Variants in DNAH11 observed in about 807,000 individuals in gnomAD.
The protein encoded by DNAH11 is axonemal beta dynein heavy chain 11.
Under a neutral mutation model 526.0 loss-of-function variants are expected in DNAH11, and 442 were observed. The observed-to-expected ratio is 0.84, with a 90% CI of 0.78 to 0.91. The LOEUF is 0.91. Among genes scored for constraint, DNAH11 ranks in the 40% least tolerant of loss-of-function variants. DNAH11 has a pLI of 0.00. For synonymous variants in DNAH11, 2,461 were observed against 1,935.9 expected (o/e 1.27, Z -7.12); for missense variants, 6,989 against 5,448.7 (o/e 1.28, Z -8.90).
intron 40 of DNAH11, among the ~76,000 whole-genome samples, chr7:21,708,429 G>A (rs1784349624): frequency 6.6e-6 from 1 of 152,174 alleles, no homozygotes; most frequent in South Asian, 2.1e-4. Flanking sequence ...CACGTTAGTT[G>A]AAGCTGCCAT....
chr7:21,588,825 T>G (rs1158917313), intron 11 of DNAH11, among the ~76,000 whole-genome samples, 189 bp downstream of exon 11: 1 of 152,228 alleles, frequency 6.6e-6, no homozygotes, highest in Non-Finnish European at 1.5e-5. Context: ...TCTTAGAATT[T>G]CATATGCTTA....
chr7:21,748,466 GCA>G (rs1786253744), intron 51 of DNAH11, 112 bp from the exon 52 acceptor site: 3 of 1,189,114 alleles, frequency 2.5e-6, no homozygotes, highest in Non-Finnish European at 3.2e-6. Context: ...TCCGGCCTGG[GCA>G]ACAGAGCAAG....
chr7:21,814,099 CACAATGGTAAGTAT>C (rs1434087490), intron 63 of DNAH11, among the ~76,000 whole-genome samples: 1 of 152,064 alleles, frequency 6.6e-6, no homozygotes, highest in Non-Finnish European at 1.5e-5. Context: ...GCAATTGTAG[CACAATGGTAAGTAT>C]TTGTGCATCT....
At chr7:21,588,399 C>G (rs1284989312) in intron 10 of DNAH11, 113 bp from the exon 11 acceptor site, 4 of 1,385,840 alleles carry the variant, frequency 2.9e-6, no homozygotes, top group Non-Finnish European at 4.0e-6. Flanking sequence ...TGATTAAACA[C>G]ATATGTTTTA....
intron 65 of DNAH11, among the ~76,000 whole-genome samples, chr7:21,840,372 G>T (rs1782159748): frequency 6.6e-6 from 1 of 151,914 alleles, no homozygotes; most frequent in Non-Finnish European, 1.5e-5. Flanking sequence ...TAAAATAATT[G>T]GGCTCTGGCT....
intron 66 of DNAH11, among the ~76,000 whole-genome samples, chr7:21,843,304 A>G (rs920181176): frequency 1.1e-4 from 16 of 152,204 alleles, no homozygotes; most frequent in African/African-American, 3.6e-4. Flanking sequence ...TAGACAAAAG[A>G]TTAACAAAAT....
intron 54 of DNAH11, among the ~76,000 whole-genome samples, chr7:21,757,692 A>G (rs1334739792): frequency 6.6e-6 from 1 of 152,170 alleles, no homozygotes; most frequent in Non-Finnish European, 1.5e-5. Flanking sequence ...AAGTCTGGCG[A>G]CAGACAAGGT....
At chr7:21,836,036 T>G (rs1781983981) in intron 65 of DNAH11, among the ~76,000 whole-genome samples, 1 of 151,740 alleles carries the variant, frequency 6.6e-6, no homozygotes, top group Non-Finnish European at 1.5e-5. Context: ...CCTAAGAAAT[T>G]TAACCAAGGA....
In DNAH11 at chr7:21,599,820, C is replaced by T; in HGVS notation, c.2701C>T (p.Leu901=). ...NRKLFKANPS[L]DTWKIYVEFI... ...GAAGCTCTTCAAAGCCAATCCCTCT[C>T]TGGATACCTGGAAAATTTATGTAGA... Residue 901 remains leucine, a synonymous_variant, in exon 15 of 82, where the codon CTG becomes TTG. Transcript: ENST00000409508. 6.3e-7 allele frequency: 1 copy of T among 1,591,594 alleles called. No homozygotes were observed. The highest frequency in any genetic ancestry group is 8.6e-7 in the Non-Finnish European group (1 of 1,165,850).
intron 65 of DNAH11, among the ~76,000 whole-genome samples, chr7:21,832,148 T>G (rs1391275068): frequency 1.3e-5 from 2 of 152,174 alleles, no homozygotes; most frequent in African/African-American, 2.4e-5. Context: ...ACCTCATGCT[T>G]CTTTTAATTG....
intron 30 of DNAH11, among the ~76,000 whole-genome samples, chr7:21,664,874 C>G (rs748898555): frequency 6.6e-6 from 1 of 152,254 alleles, no homozygotes; most frequent in Non-Finnish European, 1.5e-5. Context: ...TCCCAACTTT[C>G]TGCCTTGCTT....
At position 21,784,538 on chromosome 7, in the gene DNAH11, A is replaced by G. The variant is rs1305734165; in HGVS notation, c.9595A>G (p.Arg3199Gly). The change falls in exon 58 of 82, where the codon AGG becomes GGG. Residue 3199 changes from arginine to glycine, a missense_variant and splice_region_variant. Transcript: ENST00000409508. ...TACAGCTGCACTCAATACACTCAACAGGGTAAAGATAATTTATTGGTCCCT... is the reference window on the plus strand; with the variant it reads ...TACAGCTGCACTCAATACACTCAACGGGGTAAAGATAATTTATTGGTCCCT... The part of the protein sequence containing the change: ...AATAALNTLN[R>G]VNLSELKAFP... 1.9e-6 allele frequency: 3 copies of G among 1,598,072 alleles called. No homozygotes were observed. Among genetic ancestry groups the G allele is most frequent in the Non-Finnish European group, 2.6e-6 (3 of 1,172,598 alleles).
intron 76 of DNAH11, among the ~76,000 whole-genome samples, chr7:21,888,117 C>T (rs562428410): frequency 5.9e-5 from 9 of 152,142 alleles, no homozygotes; most frequent in Non-Finnish European, 1.2e-4. Context: ...CTGTGCCTCA[C>T]TTCATTCATT....
chr7:21,689,523 G>T (rs1783521596), intron 34 of DNAH11, among the ~76,000 whole-genome samples: 1 of 152,200 alleles, frequency 6.6e-6, no homozygotes, highest in Non-Finnish European at 1.5e-5. Flanking sequence ...CTACCCTCTG[G>T]AGGTCCACAC....
At chr7:21,825,847 T>C (rs893602410) in intron 65 of DNAH11, among the ~76,000 whole-genome samples, 2 of 151,612 alleles carry the variant, frequency 1.3e-5, no homozygotes, top group African/African-American at 4.9e-5. Flanking sequence ...TAGTCCCAGC[T>C]ACTCGGGAGG....
intron 2 of DNAH11, among the ~76,000 whole-genome samples, chr7:21,551,077 C>T (rs6461579): frequency 0.19 from 29,530 of 152,068 alleles, 2,951 homozygotes; most frequent in Middle Eastern, 0.26. Context: ...CTGGGGTCCC[C>T]GAAGACTCCC....
chr7:21,720,967 T>C, intron 44 of DNAH11, 111 bp downstream of exon 44: 6 of 1,334,254 alleles, frequency 4.5e-6, no homozygotes, highest in Non-Finnish European at 5.0e-6. Context: ...AGATCTATAC[T>C]GCTTGCCCTG....
chr7:21,859,375 A>C (rs1360647715), intron 68 of DNAH11, among the ~76,000 whole-genome samples: 1 of 152,124 alleles, frequency 6.6e-6, no homozygotes, highest in Non-Finnish European at 1.5e-5. Flanking sequence ...CAGCCTCCCA[A>C]AGTGCTGGGA....
intron 62 of DNAH11, among the ~76,000 whole-genome samples, chr7:21,802,755 A>C (rs1328603676): frequency 6.6e-6 from 1 of 151,992 alleles, no homozygotes; most frequent in African/African-American, 2.4e-5. Context: ...ATACACAGGC[A>C]GAATGTGCCT....
Sources: allele counts gnomAD v4.1 joint callset (sites outside exome capture counted in the v4.1 genomes callset), GRCh38; gene constraint gnomAD v4.1.1; transcripts MANE v1.5; gene names NCBI Gene and HGNC (gene_info 2026-07-23, HGNC 2026-07-21).